Variants in ATP8A1 observed in about 807,000 individuals in gnomAD.
ATP8A1 encodes the protein ATPase phospholipid transporting 8A1, also known as phospholipid-transporting ATPase IA.
ATP8A1 carries 90 observed loss-of-function variants against 177.7 expected under a neutral mutation model. That is an observed-to-expected ratio of 0.51 (90% CI 0.43 to 0.60). The LOEUF (loss-of-function observed/expected upper bound fraction) is 0.60. Among genes scored for constraint, ATP8A1 ranks in the 20% least tolerant of loss-of-function variants. The probability of loss-of-function intolerance (pLI) is 0.00; values close to 1 mark genes in which losing one functional copy is unlikely to be tolerated. For synonymous variants in ATP8A1, 493 were observed against 485.9 expected (o/e 1.01, Z -0.19); for missense variants, 1,072 against 1,392.8 (o/e 0.77, Z 3.67).
intron 8 of ATP8A1, 64 bp from the exon 9 acceptor site, chr4:42,586,540 G>A (rs763443197): frequency 1.0e-5 from 15 of 1,467,752 alleles, no homozygotes; most frequent in African/African-American, 1.4e-5. Context: ...CAAAGAGGAG[G>A]AATTTTGAAT....
intron 25 of ATP8A1, among the ~76,000 whole-genome samples, chr4:42,481,793 T>A (rs1392163074): frequency 6.6e-6 from 1 of 152,214 alleles, no homozygotes; most frequent in Admixed American, 6.5e-5. Context: ...GAAGGAATGG[T>A]CTATAACTTT....
At chr4:42,417,132 A>G (rs545678769) in intron 35 of ATP8A1, among the ~76,000 whole-genome samples, 3 of 152,300 alleles carry the variant, frequency 2.0e-5, no homozygotes, top group East Asian at 1.9e-4. Context: ...TGCTAAATAA[A>G]TAAGTGATGA....
chr4:42,479,177 C>T (rs1721398714), intron 25 of ATP8A1, among the ~76,000 whole-genome samples: 1 of 152,162 alleles, frequency 6.6e-6, no homozygotes, highest in South Asian at 2.1e-4. Flanking sequence ...TGGAACATGG[C>T]CACACCCATT....
At chr4:42,585,045 T>A (rs1407886482) in intron 9 of ATP8A1, among the ~76,000 whole-genome samples, 1 of 152,150 alleles carries the variant, frequency 6.6e-6, no homozygotes, top group East Asian at 1.9e-4. Context: ...TTCCAGGCAC[T>A]TTTCCACTTG....
chr4:42,496,901 T>C (rs1723336340), intron 24 of ATP8A1, among the ~76,000 whole-genome samples: 2 of 152,238 alleles, frequency 1.3e-5, no homozygotes, highest in East Asian at 3.9e-4. Context: ...ATGAGGTCTT[T>C]TCAGAATTCC....
At chr4:42,656,496 G>C (rs1434061524) in intron 1 of ATP8A1, among the ~76,000 whole-genome samples, 1 of 151,942 alleles carries the variant, frequency 6.6e-6, no homozygotes, top group Non-Finnish European at 1.5e-5. Context: ...GCGGGCTGGG[G>C]ATCTGCTGAG....
intron 22 of ATP8A1, among the ~76,000 whole-genome samples, chr4:42,517,401 A>T (rs1262721138): frequency 6.6e-6 from 1 of 152,220 alleles, no homozygotes; most frequent in Non-Finnish European, 1.5e-5. Flanking sequence ...CTTTCAAAAG[A>T]ACGAGGGTGA....
chr4:42,446,093 AAAAAAAGAGAAGAG>A (rs1356876045), intron 31 of ATP8A1, among the ~76,000 whole-genome samples: 3 of 148,082 alleles, frequency 2.0e-5, no homozygotes, highest in Non-Finnish European at 4.5e-5. Flanking sequence ...AAAAAAAAAA[AAAAAAAGAGAAGAG>A]ATATAGTTTG....
intron 33 of ATP8A1, among the ~76,000 whole-genome samples, chr4:42,440,534 G>A (rs965042387): frequency 2.6e-4 from 40 of 151,978 alleles, no homozygotes; most frequent in Admixed American, 1.3e-4. Context: ...GGGAGGGCAT[G>A]GGTTTCTGTC....
chr4:42,444,025 T>C (rs758090029), intron 32 of ATP8A1, among the ~76,000 whole-genome samples: 2 of 152,176 alleles, frequency 1.3e-5, no homozygotes, highest in Non-Finnish European at 1.5e-5. Context: ...GAGAATATTA[T>C]ATGTATGCTG....
chr4:42,469,039 A>C (rs1720113855), intron 25 of ATP8A1, among the ~76,000 whole-genome samples: 1 of 152,158 alleles, frequency 6.6e-6, no homozygotes, highest in Admixed American at 6.5e-5. Flanking sequence ...TGTAGCAGAA[A>C]TCTCACTCAG....
intron 9 of ATP8A1, among the ~76,000 whole-genome samples, chr4:42,584,464 C>T (rs922056553): frequency 1.3e-5 from 2 of 152,226 alleles, no homozygotes; most frequent in African/African-American, 4.8e-5. Flanking sequence ...ATGATCTCCA[C>T]TTGCCAAACG....
intron 34 of ATP8A1, among the ~76,000 whole-genome samples, 162 bp downstream of exon 34, chr4:42,423,455 A>C (rs976134569): frequency 6.6e-6 from 1 of 152,190 alleles, no homozygotes; most frequent in South Asian, 2.1e-4. Context: ...CTTTTAAACT[A>C]GTTTTCTAGT....
chr4:42,601,686 A>G (rs1311037095), intron 5 of ATP8A1, among the ~76,000 whole-genome samples: 2 of 152,188 alleles, frequency 1.3e-5, no homozygotes, highest in African/African-American at 4.8e-5. Flanking sequence ...AAAGCATTTA[A>G]TATTTGTTTT....
At chr4:42,424,216 C>T (rs1034350104) in intron 33 of ATP8A1, among the ~76,000 whole-genome samples, 7 of 151,672 alleles carry the variant, frequency 4.6e-5, no homozygotes, top group Non-Finnish European at 1.0e-4. Context: ...TTAAAAATAA[C>T]TTTAATAATT....
At chr4:42,456,295 ATC>A (rs1187225396) in intron 27 of ATP8A1, among the ~76,000 whole-genome samples, 3 of 152,104 alleles carry the variant, frequency 2.0e-5, no homozygotes. Context: ...GAAACCATAT[ATC>A]TCTCTTTTTT....
chr4:42,656,184 G>C (rs550892776), intron 1 of ATP8A1, among the ~76,000 whole-genome samples: 1 of 152,304 alleles, frequency 6.6e-6, no homozygotes, highest in South Asian at 2.1e-4. Flanking sequence ...GTGGAGCAAA[G>C]AAAACAGCTT....
At chr4:42,642,852 A>T (rs1398940263) in intron 1 of ATP8A1, among the ~76,000 whole-genome samples, 1 of 152,204 alleles carries the variant, frequency 6.6e-6, no homozygotes, top group East Asian at 1.9e-4. Flanking sequence ...CATACAGATG[A>T]ATATAAGAAA....
rs777165224 is a variant in ATP8A1 at position 42,555,949 on chromosome 4, A to G, written c.1413+19T>C. The G allele has an allele frequency of 4.5e-6, 7 of 1,550,526 alleles. No homozygotes were observed. The highest frequency in any genetic ancestry group is 6.2e-6 in the Non-Finnish European group (7 of 1,127,252). On this transcript the variant is annotated intron_variant, in intron 16 of 36. Transcript: ENST00000381668. ...GTTTTTATTCACTAACAAAAAGACAATGGTTTTATGTAACTTACATGATTA... is the reference window on the plus strand; with the variant it reads ...GTTTTTATTCACTAACAAAAAGACAGTGGTTTTATGTAACTTACATGATTA...
Sources: allele counts gnomAD v4.1 joint callset (sites outside exome capture counted in the v4.1 genomes callset), GRCh38; gene constraint gnomAD v4.1.1; transcripts MANE v1.5; gene names NCBI Gene and HGNC (gene_info 2026-07-23, HGNC 2026-07-21).